Variants in AGAP1 observed in about 807,000 individuals in gnomAD.
AGAP1 encodes arf-GAP with GTPase, ANK repeat and PH domain-containing protein 1.
AGAP1 carries 29 observed loss-of-function variants against 105.3 expected under a neutral mutation model. The observed-to-expected ratio is 0.28, with a 90% CI of 0.21 to 0.38. AGAP1 has a LOEUF of 0.38. Among genes scored for constraint, AGAP1 ranks in the 10% least tolerant of loss-of-function variants. AGAP1 has a pLI of 1.00. For missense variants in AGAP1, 998 were observed against 1,165.1 expected (o/e 0.86, Z 2.09); for synonymous variants, 509 against 485.9 (o/e 1.05, Z -0.63).
chr2:235,756,366 A>T (rs1473029606), intron 6 of AGAP1, among the ~76,000 whole-genome samples: 1 of 152,058 alleles, frequency 6.6e-6, no homozygotes, highest in Non-Finnish European at 1.5e-5. Context: ...TATGATTGTT[A>T]AATTATGGTG....
At position 235,845,297 on chromosome 2, in the gene AGAP1, A is replaced by G. The variant is rs114026276; in HGVS notation, c.1050+37966A>G. Among the ~76,000 whole-genome samples the G allele has an allele frequency of 4.1e-3, 622 of 152,250 alleles. 4 individuals carry two copies. The highest frequency in any genetic ancestry group is 0.015 in the African/African-American group (603 of 41,564). ...AGTCTAGAGGCTGAGTCTGTAACTAATCCAGCTCAGACCACATGTATGGTG... is the reference window on the plus strand; with the variant it reads ...AGTCTAGAGGCTGAGTCTGTAACTAGTCCAGCTCAGACCACATGTATGGTG... On this transcript the variant is annotated intron_variant, in intron 9 of 17. Coordinates refer to ENST00000304032, the MANE Select transcript of AGAP1 (RefSeq NM_001037131.3). The surrounding 1 kb of genome is among the most constrained non-coding windows in gnomAD (Gnocchi z 4.8).
At chr2:235,814,107 G>A (rs188834930) in intron 9 of AGAP1, among the ~76,000 whole-genome samples, 38 of 152,294 alleles carry the variant, frequency 2.5e-4, no homozygotes, top group Non-Finnish European at 4.6e-4. Flanking sequence ...GGCACAGGAT[G>A]GGGGGAGTGG....
intron 11 of AGAP1, among the ~76,000 whole-genome samples, chr2:235,928,552 G>A (rs1042367626): frequency 6.6e-6 from 1 of 152,214 alleles, no homozygotes; most frequent in Non-Finnish European, 1.5e-5. Context: ...AGAAGGTGCT[G>A]GAGCCAACAG....
chr2:235,873,483 A>G (rs1020529122), intron 9 of AGAP1, among the ~76,000 whole-genome samples: 5 of 151,566 alleles, frequency 3.3e-5, no homozygotes, highest in Admixed American at 2.6e-4. Context: ...AGTTTTTCCT[A>G]TTGTTTTGGC....
chr2:235,642,626 C>T lies in AGAP1; in HGVS notation c.164-66553C>T, dbSNP rs1267530567. 2.0e-5 allele frequency among the ~76,000 whole-genome samples: 3 copies of T among 152,150 alleles called. No individual in the cohort carries two copies. Among genetic ancestry groups the T allele is most frequent in the African/African-American group, 7.2e-5 (3 of 41,422 alleles). On this transcript the variant is annotated intron_variant, in intron 1 of 17. Transcript: ENST00000304032. The surrounding 1 kb of genome is among the most constrained non-coding windows in gnomAD (Gnocchi z 4.1). ...CCACCCTGGAAGGCAGGCCAGCCTCCGCTCTCCACACCAGCTTGGGGATGA... is the reference window on the plus strand; with the variant it reads ...CCACCCTGGAAGGCAGGCCAGCCTCTGCTCTCCACACCAGCTTGGGGATGA...
At chr2:236,013,510 C>T (rs973251523) in intron 13 of AGAP1, among the ~76,000 whole-genome samples, 2 of 152,208 alleles carry the variant, frequency 1.3e-5, no homozygotes, top group Non-Finnish European at 2.9e-5. Context: ...TTGGCCAGCT[C>T]ATGCTTTGGG....
In AGAP1 at chr2:236,009,504, A is replaced by G. The variant is rs575134068; in HGVS notation, c.1646-27057A>G. 2.0e-5 allele frequency among the ~76,000 whole-genome samples: 3 copies of G among 152,316 alleles called. No individual in the cohort carries two copies. The South Asian group carries it at 6.2e-4, about 32-fold the overall frequency. ...TTATACTGATGGCGTCTTTTTAAAT[A>G]AATTAATACATGTCTGATGTGGACA... On this transcript the variant is annotated intron_variant, in intron 13 of 17. Transcript: ENST00000304032. This position sits in a 1 kb window ranked among gnomAD's most constrained non-coding sequence, Gnocchi z 4.2.
At position 235,736,970 on chromosome 2, in the gene AGAP1, A is replaced by G. The variant is rs1387696258; in HGVS notation, c.311-3993A>G. Among the ~76,000 whole-genome samples, 2 of 152,230 alleles carry G rather than the reference A, an allele frequency of 1.3e-5. No homozygotes were observed. Among genetic ancestry groups the G allele is most frequent in the Non-Finnish European group, 2.9e-5 (2 of 68,038 alleles). ...CCTGCAGAGTACCAGCTTGTTGCCA[A>G]CGATGCTGTCATCCTAAGGCTCTCC... On this transcript the variant is annotated intron_variant, in intron 3 of 17. Transcript: ENST00000304032. This position sits in a 1 kb window ranked among gnomAD's most constrained non-coding sequence, Gnocchi z 5.5.
Position 235,733,314 on chromosome 2 carries a change from G to C in AGAP1, c.311-7649G>C, listed in dbSNP as rs1313228638. On this transcript the variant is annotated intron_variant, in intron 3 of 17. Transcript: ENST00000304032. This position sits in a 1 kb window ranked among gnomAD's most constrained non-coding sequence, Gnocchi z 5.0. ...TCCTCAGTCAGGAGACGAAAAAGATGAGGCCACGGCTGCCCCTTCTGTTTC... is the reference window on the plus strand; with the variant it reads ...TCCTCAGTCAGGAGACGAAAAAGATCAGGCCACGGCTGCCCCTTCTGTTTC... 6.6e-6 allele frequency among the ~76,000 whole-genome samples: 1 copy of C among 152,190 alleles called. No homozygotes were observed. The highest frequency in any genetic ancestry group is 1.5e-5 in the Non-Finnish European group (1 of 68,038).
In AGAP1 at chr2:235,716,221, A is replaced by C. The variant is rs1559388900; in HGVS notation, c.223-1336A>C. Among the ~76,000 whole-genome samples, 1 of 152,124 alleles carries C rather than the reference A, an allele frequency of 6.6e-6. No homozygotes were observed. The highest frequency in any genetic ancestry group is 1.5e-5 in the Non-Finnish European group (1 of 68,020). On this transcript the variant is annotated intron_variant, in intron 2 of 17. Coordinates refer to ENST00000304032, the MANE Select transcript of AGAP1 (RefSeq NM_001037131.3). This position sits in a 1 kb window ranked among gnomAD's most constrained non-coding sequence, Gnocchi z 4.0. ...GAGTGGAGGATCAGCTGGAGATGTG[A>C]GGATGGAGCCCTGGCGAGTCCCAGT...
chr2:235,900,066 G>C lies in AGAP1; in HGVS notation c.1156-8672G>C, dbSNP rs1208758964. On this transcript the variant is annotated intron_variant, in intron 10 of 17. Transcript: ENST00000304032. The surrounding 1 kb of genome is among the most constrained non-coding windows in gnomAD (Gnocchi z 5.5). Reference sequence around the variant, plus strand: ...TGGCCTCCGCAGCACATGAAGCAGAGAAGTCTGCTTTTGCCATCATGTAGG... The same window carrying C: ...TGGCCTCCGCAGCACATGAAGCAGACAAGTCTGCTTTTGCCATCATGTAGG... Among the ~76,000 whole-genome samples the C allele has an allele frequency of 6.6e-6, 1 of 152,212 alleles. No individual in the cohort carries two copies. The highest frequency in any genetic ancestry group is 2.4e-5 in the African/African-American group (1 of 41,454).
chr2:235,680,146 C>G (rs1325597921), intron 1 of AGAP1, among the ~76,000 whole-genome samples: 1 of 152,194 alleles, frequency 6.6e-6, no homozygotes, highest in Admixed American at 6.5e-5. Context: ...GAGCTGGCCC[C>G]CTGGCTGACC....
chr2:235,729,261 A>G lies in AGAP1; in HGVS notation c.310+11617A>G, dbSNP rs1161362520. 1.3e-5 allele frequency among the ~76,000 whole-genome samples: 2 copies of G among 152,174 alleles called. No homozygotes were observed. Among genetic ancestry groups the G allele is most frequent in the African/African-American group, 4.8e-5 (2 of 41,412 alleles). On this transcript the variant is annotated intron_variant, in intron 3 of 17. Transcript: ENST00000304032. This position sits in a 1 kb window ranked among gnomAD's most constrained non-coding sequence, Gnocchi z 5.0. The stretch of plus-strand genomic sequence containing the variant: ...GAGCCGCATCCGCTTATTGGGCCTA[A>G]GAAAAACTGATTCCCAGGTGTGTTT...
rs2052501970 is a variant in AGAP1, at chr2:235,927,335, A to G, written c.1325-3430A>G. 6.6e-6 allele frequency among the ~76,000 whole-genome samples: 1 copy of G among 152,190 alleles called. No individual in the cohort carries two copies. The highest frequency in any genetic ancestry group is 2.4e-5 in the African/African-American group (1 of 41,438). ...CTTGGGGACTCTCTCAGGAGGCAGA[A>G]GGTGGGCTCTGAGCCACACCCTCAG... On this transcript the variant is annotated intron_variant, in intron 11 of 17. Coordinates refer to ENST00000304032, the MANE Select transcript of AGAP1 (RefSeq NM_001037131.3). This position sits in a 1 kb window ranked among gnomAD's most constrained non-coding sequence, Gnocchi z 4.4.
At position 236,062,999 on chromosome 2, in the gene AGAP1, G is replaced by A. The variant is rs2058245417; in HGVS notation, c.2114+13718G>A. On this transcript the variant is annotated intron_variant, in intron 16 of 17. Coordinates refer to ENST00000304032, the MANE Select transcript of AGAP1 (RefSeq NM_001037131.3). This position sits in a 1 kb window ranked among gnomAD's most constrained non-coding sequence, Gnocchi z 4.2. Reference sequence around the variant, plus strand: ...TAAGAGATGGGGGTCTCACTATGTTGCCCAGGCAGGGATCCTGGCCTCCAG... The same window carrying A: ...TAAGAGATGGGGGTCTCACTATGTTACCCAGGCAGGGATCCTGGCCTCCAG... Among the ~76,000 whole-genome samples, 1 of 152,112 alleles carries A rather than the reference G, an allele frequency of 6.6e-6. No homozygotes were observed. The highest frequency in any genetic ancestry group is 2.4e-5 in the African/African-American group (1 of 41,420).
At position 235,552,521 on chromosome 2, in the gene AGAP1, T is replaced by C. The variant is rs1235854670; in HGVS notation, c.163+57672T>C. Among the ~76,000 whole-genome samples, 1 of 152,176 alleles carries C rather than the reference T, an allele frequency of 6.6e-6. No individual in the cohort carries two copies. Among genetic ancestry groups the C allele is most frequent in the Non-Finnish European group, 1.5e-5 (1 of 68,034 alleles). ...AGTGTGGGATTTTTTCTGCTACTCC[T>C]TCATTCACACCTGGATTCAGTTGCC... is the stretch of plus-strand genomic sequence containing the variant. On this transcript the variant is annotated intron_variant, in intron 1 of 17. Transcript: ENST00000304032. The surrounding 1 kb of genome is among the most constrained non-coding windows in gnomAD (Gnocchi z 5.9).
intron 9 of AGAP1, among the ~76,000 whole-genome samples, chr2:235,848,559 G>A (rs1206750481): frequency 6.6e-6 from 1 of 152,218 alleles, no homozygotes; most frequent in Non-Finnish European, 1.5e-5. Context: ...CATTGATTGT[G>A]ATGTCCATGG....
At chr2:235,785,994 T>C (rs1956610165) in intron 6 of AGAP1, among the ~76,000 whole-genome samples, 1 of 152,220 alleles carries the variant, frequency 6.6e-6, no homozygotes, top group East Asian at 1.9e-4. Context: ...GATTGAAGAA[T>C]TGCCGGGTGA....
intron 13 of AGAP1, among the ~76,000 whole-genome samples, chr2:235,987,031 A>C (rs780313039): frequency 6.6e-6 from 1 of 152,178 alleles, no homozygotes; most frequent in Non-Finnish European, 1.5e-5. Context: ...TGTTTGGAAT[A>C]GTTTCAAAAG....
Sources: allele counts gnomAD v4.1 joint callset (sites outside exome capture counted in the v4.1 genomes callset), GRCh38; gene constraint gnomAD v4.1.1; non-coding constraint Gnocchi (gnomAD v3.1); transcripts MANE v1.5; gene names NCBI Gene and HGNC (gene_info 2026-07-23, HGNC 2026-07-21).